Variants in COMMD10 observed in about 807,000 individuals in gnomAD.
The protein encoded by COMMD10 is COMM domain containing 10, also known as COMM domain-containing protein 10.
COMMD10 carries 33 observed loss-of-function variants against 28.9 expected under a neutral mutation model. That is an observed-to-expected ratio of 1.14 (90% CI 0.87 to 1.53). The LOEUF is 1.53. COMMD10 is among the 40% of genes most tolerant of loss of function. The pLI, the probability that COMMD10 is intolerant of heterozygous loss-of-function variation, is 0.00. For missense variants in COMMD10, 310 were observed against 233.4 expected (o/e 1.33, Z -2.14); for synonymous variants, 110 against 81.7 (o/e 1.35, Z -1.87).
At chr5:116,250,838 C>T (rs1023618663) in intron 5 of COMMD10, among the ~76,000 whole-genome samples, 2 of 152,092 alleles carry the variant, frequency 1.3e-5, no homozygotes, top group Admixed American at 1.3e-4. Context: ...ATTGGCTCAC[C>T]TACTTCACTT....
intron 5 of COMMD10, among the ~76,000 whole-genome samples, chr5:116,194,987 C>T (rs1428177854): frequency 6.6e-6 from 1 of 152,116 alleles, no homozygotes; most frequent in Admixed American, 6.5e-5. Flanking sequence ...GGGTTTCACA[C>T]CAGGGATGCA....
chr5:116,168,543 T>C (rs10051539), intron 5 of COMMD10, among the ~76,000 whole-genome samples: 124,754 of 152,110 alleles, frequency 0.82, 51,335 homozygotes, highest in African/African-American at 0.84. Context: ...TTCTCAGCAC[T>C]GCATCCCGCA....
Position 116,293,043 on chromosome 5 carries a change from C to T in COMMD10, c.*554C>T. 2.5e-6 allele frequency: 1 copy of T among 397,228 alleles called. No individual in the cohort carries two copies. Among genetic ancestry groups the T allele is most frequent in the Non-Finnish European group, 4.4e-6 (1 of 225,198 alleles). 24.6% of individuals were successfully genotyped at this position (397,228 alleles called of 1,614,324 possible). ...TGGTATCAGTTAATTCCAGTCTGAG[C>T]TTCTCTGTCAACTTCAGTTTCTCTC... On this transcript the variant is annotated 3_prime_UTR_variant, in exon 7 of 7. Coordinates refer to ENST00000274458, the MANE Select transcript of COMMD10 (RefSeq NM_016144.4).
chr5:116,109,683 G>A (rs1750975475), intron 4 of COMMD10, among the ~76,000 whole-genome samples: 1 of 152,182 alleles, frequency 6.6e-6, no homozygotes, highest in South Asian at 2.1e-4. Context: ...TTCTCAACTA[G>A]ATTGTTACTG....
At chr5:116,191,376 G>T (rs1748366941) in intron 5 of COMMD10, among the ~76,000 whole-genome samples, 1 of 152,030 alleles carries the variant, frequency 6.6e-6, no homozygotes, top group African/African-American at 2.4e-5. Flanking sequence ...TTTTGCAACT[G>T]GGTGGCGGAT....
chr5:116,175,358 G>A (rs1392876440), intron 5 of COMMD10, among the ~76,000 whole-genome samples: 1 of 152,070 alleles, frequency 6.6e-6, no homozygotes, highest in African/African-American at 2.4e-5. Flanking sequence ...ATGTCCTTAT[G>A]TCACATAATG....
chr5:116,282,272 C>T (rs562822076), intron 5 of COMMD10, among the ~76,000 whole-genome samples: 2 of 151,916 alleles, frequency 1.3e-5, no homozygotes, highest in East Asian at 3.9e-4. Flanking sequence ...TAAACATTAC[C>T]TCAGAATTTT....
intron 5 of COMMD10, among the ~76,000 whole-genome samples, chr5:116,165,629 TGC>T (rs1230212319): frequency 1.3e-5 from 2 of 152,062 alleles, no homozygotes; most frequent in African/African-American, 4.8e-5. Flanking sequence ...TGTGTGTTTG[TGC>T]GCACACACAC....
intron 5 of COMMD10, among the ~76,000 whole-genome samples, chr5:116,147,476 C>T (rs1259776727): frequency 6.6e-6 from 1 of 151,716 alleles, no homozygotes; most frequent in African/African-American, 2.4e-5. Context: ...GCAAATTATA[C>T]AGTATTTTAA....
chr5:116,271,393 A>G (rs931570575), intron 5 of COMMD10, among the ~76,000 whole-genome samples: 1 of 150,192 alleles, frequency 6.7e-6, no homozygotes, highest in Non-Finnish European at 1.5e-5. Context: ...TAACCATTTT[A>G]GTAAGCATCC....
intron 5 of COMMD10, among the ~76,000 whole-genome samples, chr5:116,177,839 A>G (rs1747775447): frequency 6.6e-6 from 1 of 151,960 alleles, no homozygotes; most frequent in African/African-American, 2.4e-5. Flanking sequence ...CTCTCATCCC[A>G]CTTCATACTG....
At chr5:116,267,005 A>T (rs2112691888) in intron 5 of COMMD10, among the ~76,000 whole-genome samples, 1 of 152,046 alleles carries the variant, frequency 6.6e-6, no homozygotes, top group Non-Finnish European at 1.5e-5. Flanking sequence ...GAATGGACAA[A>T]AACTGGAAGC....
intron 5 of COMMD10, among the ~76,000 whole-genome samples, chr5:116,256,853 A>G (rs926941304): frequency 4.6e-5 from 7 of 151,736 alleles, no homozygotes; most frequent in African/African-American, 1.7e-4. Flanking sequence ...AGCCACGTGG[A>G]TACTCTGTGG....
intron 5 of COMMD10, among the ~76,000 whole-genome samples, chr5:116,151,055 G>A (rs1352246395): frequency 1.3e-5 from 2 of 150,916 alleles, no homozygotes; most frequent in Admixed American, 1.3e-4. Flanking sequence ...TTTATTGAGA[G>A]TTTTTGGCAT....
At chr5:116,186,735 G>A (rs779471386) in intron 5 of COMMD10, among the ~76,000 whole-genome samples, 1 of 152,130 alleles carries the variant, frequency 6.6e-6, no homozygotes, top group African/African-American at 2.4e-5. Flanking sequence ...AGAAATGACT[G>A]AATAAATTAA....
chr5:116,133,800 A>G (rs1036430870), intron 4 of COMMD10, among the ~76,000 whole-genome samples: 2 of 152,174 alleles, frequency 1.3e-5, no homozygotes, highest in East Asian at 1.9e-4. Context: ...AATATATTTC[A>G]TTGCTTGGTA....
At chr5:116,197,855 T>C (rs2112619949) in intron 5 of COMMD10, among the ~76,000 whole-genome samples, 1 of 152,290 alleles carries the variant, frequency 6.6e-6, no homozygotes, top group Non-Finnish European at 1.5e-5. Context: ...TTACATGACT[T>C]GCCTAGGTTA....
rs536330074 is a variant in COMMD10 at position 116,155,752 on chromosome 5, A to G, written c.510+21574A>G. On this transcript the variant is annotated intron_variant, in intron 5 of 6. Transcript: ENST00000274458. ...ATTTTAATTAGATTTAGATTCAGGA[A>G]TGACTGCCTCCCACAGTTTCTACTC... is the stretch of plus-strand genomic sequence containing the variant. 6.6e-5 allele frequency among the ~76,000 whole-genome samples: 10 copies of G among 152,206 alleles called. 1 individual carries two copies. The South Asian group carries it at 2.1e-3, about 32-fold the overall frequency.
At chr5:116,236,625 A>G (rs1321512259) in intron 5 of COMMD10, among the ~76,000 whole-genome samples, 1 of 152,094 alleles carries the variant, frequency 6.6e-6, no homozygotes, top group East Asian at 1.9e-4. Context: ...GATTCCAACT[A>G]TATGACATTC....
Sources: allele counts gnomAD v4.1 joint callset (sites outside exome capture counted in the v4.1 genomes callset), GRCh38; gene constraint gnomAD v4.1.1; transcripts MANE v1.5; gene names NCBI Gene and HGNC (gene_info 2026-07-23, HGNC 2026-07-21).